Variants in SCAPER observed in about 807,000 individuals in gnomAD.
SCAPER encodes the protein S-phase cyclin A associated protein in the ER, also known as S phase cyclin A-associated protein in the endoplasmic reticulum.
A neutral mutation model predicts 182.2 loss-of-function variants in SCAPER; 98 were observed. The ratio of observed to expected loss-of-function variants is 0.54; its 90% CI spans 0.46 to 0.64. The LOEUF is 0.64. SCAPER is among the 30% of genes least tolerant of loss of function. The pLI is 0.00. For synonymous variants in SCAPER, 605 were observed against 564.6 expected, an observed-to-expected ratio of 1.07 and a Z score of -1.01; for missense variants, 1,432 against 1,690.0, an observed-to-expected ratio of 0.85 and a Z score of 2.68.
At chr15:76,704,176 C>T (rs542644322) in intron 18 of SCAPER, among the ~76,000 whole-genome samples, 2 of 152,196 alleles carry the variant, frequency 1.3e-5, no homozygotes, top group South Asian at 4.1e-4. Flanking sequence ...TATAAGAAGC[C>T]TACCTCTAAT....
chr15:76,505,824 C>T (rs2041524819), intron 23 of SCAPER, among the ~76,000 whole-genome samples: 1 of 152,030 alleles, frequency 6.6e-6, no homozygotes, highest in South Asian at 2.1e-4. Context: ...CACAATATAG[C>T]CAAGAACTGG....
chr15:76,608,901 G>A (rs2050719893), intron 22 of SCAPER, among the ~76,000 whole-genome samples: 2 of 152,162 alleles, frequency 1.3e-5, no homozygotes, highest in South Asian at 2.1e-4. Flanking sequence ...GGAGTGACCC[G>A]ATTTTCCAGG....
intron 2 of SCAPER, among the ~76,000 whole-genome samples, chr15:76,874,037 C>T (rs548647985): frequency 3.3e-5 from 5 of 152,010 alleles, no homozygotes; most frequent in Non-Finnish European, 5.9e-5. Context: ...GGATTACAGG[C>T]GCCCAGCACC....
intron 25 of SCAPER, among the ~76,000 whole-genome samples, chr15:76,445,666 A>G (rs1328033316): frequency 6.6e-6 from 1 of 152,076 alleles, no homozygotes; most frequent in African/African-American, 2.4e-5. Flanking sequence ...AGGGGATGGG[A>G]TAGGGCTTGT....
intron 1 of SCAPER, among the ~76,000 whole-genome samples, chr15:76,902,350 G>A (rs894991589): frequency 2.6e-5 from 4 of 152,220 alleles, no homozygotes; most frequent in African/African-American, 9.6e-5. Context: ...ACTAGGCCAA[G>A]GGGAGCATGG....
intron 10 of SCAPER, among the ~76,000 whole-genome samples, chr15:76,770,123 A>G (rs1276860644): frequency 7.3e-6 from 1 of 137,502 alleles, no homozygotes; most frequent in African/African-American, 2.7e-5. Context: ...CAAACACCAC[A>G]TGTTCTGACT....
intron 28 of SCAPER, among the ~76,000 whole-genome samples, chr15:76,377,097 T>C (rs2042624322): frequency 1.3e-5 from 2 of 152,222 alleles, no homozygotes; most frequent in South Asian, 2.1e-4. Context: ...GCACCACTGC[T>C]GGCCTGTGGG....
intron 2 of SCAPER, among the ~76,000 whole-genome samples, chr15:76,881,115 A>C (rs1455026842): frequency 6.6e-6 from 1 of 152,184 alleles, no homozygotes; most frequent in Non-Finnish European, 1.5e-5. Context: ...TACTTTTTGG[A>C]GACAGAGTCT....
At chr15:76,524,588 T>G (rs186281606) in intron 23 of SCAPER, among the ~76,000 whole-genome samples, 1 of 151,738 alleles carries the variant, frequency 6.6e-6, no homozygotes, top group Admixed American at 6.6e-5. Flanking sequence ...CACTCAGACA[T>G]AGAAAATGAC....
intron 23 of SCAPER, among the ~76,000 whole-genome samples, chr15:76,572,843 A>G (rs899226205): frequency 1.3e-5 from 2 of 151,194 alleles, no homozygotes; most frequent in Non-Finnish European, 2.9e-5. Flanking sequence ...TTGTTTATTT[A>G]CTTTGATACA....
At chr15:76,461,912 A>G (rs1397083341) in intron 25 of SCAPER, among the ~76,000 whole-genome samples, 1 of 152,202 alleles carries the variant, frequency 6.6e-6, no homozygotes, top group African/African-American at 2.4e-5. Flanking sequence ...GCAAAACTCT[A>G]CTAGTGAATA....
chr15:76,852,629 C>A (rs1333230497), intron 4 of SCAPER, among the ~76,000 whole-genome samples: 1 of 152,128 alleles, frequency 6.6e-6, no homozygotes, highest in Admixed American at 6.6e-5. Flanking sequence ...TCAAGGAGTT[C>A]TTTGAAACTA....
intron 24 of SCAPER, among the ~76,000 whole-genome samples, chr15:76,493,562 G>A (rs979944399): frequency 2.6e-5 from 4 of 152,176 alleles, no homozygotes; most frequent in African/African-American, 9.7e-5. Flanking sequence ...AGTAGGGTGA[G>A]CATCAAATTA....
intron 20 of SCAPER, among the ~76,000 whole-genome samples, chr15:76,691,669 T>C (rs942296221): frequency 6.6e-6 from 1 of 152,106 alleles, no homozygotes; most frequent in Non-Finnish European, 1.5e-5. Context: ...AAAAGCACAA[T>C]TTTAGATAAG....
intron 25 of SCAPER, among the ~76,000 whole-genome samples, chr15:76,435,455 A>G (rs1291187216): frequency 6.6e-6 from 1 of 152,186 alleles, no homozygotes; most frequent in African/African-American, 2.4e-5. Context: ...CATATACATC[A>G]GTGATTCCTG....
chr15:76,663,089 T>C (rs1238183544), intron 21 of SCAPER, among the ~76,000 whole-genome samples: 1 of 152,116 alleles, frequency 6.6e-6, no homozygotes, highest in African/African-American at 2.4e-5. Flanking sequence ...AGTCAGAATA[T>C]ATAAATGACT....
intron 25 of SCAPER, among the ~76,000 whole-genome samples, chr15:76,436,228 T>A (rs940786450): frequency 9.9e-5 from 15 of 152,076 alleles, no homozygotes; most frequent in Non-Finnish European, 1.9e-4. Context: ...TCATTACACC[T>A]GGCTAATTTT....
chr15:76,717,316 T>A (rs1427202088), intron 17 of SCAPER, among the ~76,000 whole-genome samples: 14 of 152,048 alleles, frequency 9.2e-5, no homozygotes, highest in Non-Finnish European at 1.9e-4. Flanking sequence ...ATTATAATAA[T>A]TACCACCATG....
At chr15:76,900,228 G>A (rs958273945) in intron 1 of SCAPER, among the ~76,000 whole-genome samples, 2 of 151,230 alleles carry the variant, frequency 1.3e-5, no homozygotes, top group African/African-American at 4.9e-5. Flanking sequence ...CTCTGCCTAG[G>A]AAAACCAGAG....
Sources: allele counts gnomAD v4.1 joint callset (sites outside exome capture counted in the v4.1 genomes callset), GRCh38; gene constraint gnomAD v4.1.1; transcripts MANE v1.5; gene names NCBI Gene and HGNC (gene_info 2026-07-23, HGNC 2026-07-21).